The following BICC1 variants were observed in gnomAD, a reference collection of about 807,000 sequenced individuals.
BICC1 encodes protein bicaudal C homolog 1.
In BICC1, 43 loss-of-function variants were observed where a neutral mutation model predicts 111.0. The observed-to-expected ratio is 0.39, with a 90% CI of 0.30 to 0.50. The LOEUF (loss-of-function observed/expected upper bound fraction) is 0.50. Among genes scored for constraint, BICC1 ranks in the 20% least tolerant of loss-of-function variants. The probability of loss-of-function intolerance (pLI) is 0.88; values close to 1 mark genes in which losing one functional copy is unlikely to be tolerated. For synonymous variants in BICC1, 467 were observed against 434.4 expected (o/e 1.07, Z -0.93); for missense variants, 1,091 against 1,203.2 (o/e 0.91, Z 1.38).
At chr10:58,522,530 A>C (rs1842419359) in intron 1 of BICC1, among the ~76,000 whole-genome samples, 1 of 152,208 alleles carries the variant, frequency 6.6e-6, no homozygotes, top group Non-Finnish European at 1.5e-5. Flanking sequence ...ACAACATACC[A>C]GAATCTCTGG....
In BICC1 at chr10:58,702,147, A is replaced by G; in HGVS notation, c.307+4A>G. ...ATCGGAGCCAAATCCAAGAAAGGTA[A>G]ATTGTGAGAGGGCAAGAAATAGGTG... is the stretch of plus-strand genomic sequence containing the variant. On this transcript the variant is annotated splice_donor_region_variant and intron_variant, in intron 3 of 20. Coordinates refer to ENST00000373886, the MANE Select transcript of BICC1 (RefSeq NM_001080512.3). 6.2e-7 allele frequency: 1 copy of G among 1,610,248 alleles called. No homozygotes were observed.
intron 1 of BICC1, among the ~76,000 whole-genome samples, chr10:58,596,897 TAGG>T (rs1347087707): frequency 6.6e-6 from 1 of 151,990 alleles, no homozygotes; most frequent in Non-Finnish European, 1.5e-5. Flanking sequence ...CTCAAGGAAA[TAGG>T]AGAGGACACA....
At chr10:58,633,488 A>G (rs577830439) in intron 2 of BICC1, among the ~76,000 whole-genome samples, 1 of 152,362 alleles carries the variant, frequency 6.6e-6, no homozygotes, top group East Asian at 1.9e-4. Flanking sequence ...TGATAAATGC[A>G]TTCCTAGCAA....
intron 1 of BICC1, among the ~76,000 whole-genome samples, chr10:58,571,321 T>C (rs1359887561): frequency 2.0e-5 from 3 of 152,180 alleles, no homozygotes; most frequent in African/African-American, 7.2e-5. Context: ...TTTATTTATA[T>C]AATTTTTATT....
chr10:58,513,078 CGAGCGGAGGCGGCAGCGCAGGCA>C lies in BICC1; in HGVS notation c.-59_-37del, dbSNP rs1305173488. 1.4e-4 allele frequency: 170 copies of C among 1,234,276 alleles called. No homozygotes were observed. The highest frequency in any genetic ancestry group is 1.5e-4 in the Non-Finnish European group (151 of 975,100). 76.5% of individuals were successfully genotyped at this position (1,234,276 alleles called of 1,614,324 possible). On this transcript the variant is annotated 5_prime_UTR_variant, in exon 1 of 21. Coordinates refer to ENST00000373886, the MANE Select transcript of BICC1 (RefSeq NM_001080512.3). ...CTGGGAGCCAGTTGAGCCCGGCCGGCGAGCGGAGGCGGCAGCGCAGGCAGAGCGGCGGCGGCAGCGGGAGCCCG... is the reference window on the plus strand; with the variant it reads ...CTGGGAGCCAGTTGAGCCCGGCCGGCGAGCGGCGGCGGCAGCGGGAGCCCG...
chr10:58,658,130 A>G (rs1379744140), intron 2 of BICC1, among the ~76,000 whole-genome samples: 1 of 152,158 alleles, frequency 6.6e-6, no homozygotes, highest in Non-Finnish European at 1.5e-5. Context: ...AGATGTTCTC[A>G]TATTATGCCA....
At chr10:58,817,488 G>T (rs879127101) in intron 18 of BICC1, 74 bp from the exon 19 acceptor site, 1 of 1,515,394 alleles carries the variant, frequency 6.6e-7, no homozygotes, top group South Asian at 1.1e-5. Flanking sequence ...ATATTTAGGT[G>T]ATTAAAACTT....
At chr10:58,512,829 C>G (rs1221032673), upstream of BICC1, among the ~76,000 whole-genome samples, 3 of 149,584 alleles carry the variant, frequency 2.0e-5, no homozygotes, top group African/African-American at 7.3e-5. Context: ...GGGGAGGGGG[C>G]GCCGAGCCCT....
At chr10:58,739,687 G>A (rs1002331935) in intron 3 of BICC1, among the ~76,000 whole-genome samples, 16 of 151,950 alleles carry the variant, frequency 1.1e-4, no homozygotes, top group African/African-American at 3.9e-4. Flanking sequence ...TCTAACTTGG[G>A]TTTACTGTTT....
chr10:58,648,877 T>A (rs1838354245), intron 2 of BICC1, among the ~76,000 whole-genome samples: 1 of 152,246 alleles, frequency 6.6e-6, no homozygotes, highest in East Asian at 1.9e-4. Context: ...ATCCCATAAT[T>A]GGCAACTAAG....
At chr10:58,675,935 C>T (rs891917130) in intron 2 of BICC1, among the ~76,000 whole-genome samples, 4 of 152,158 alleles carry the variant, frequency 2.6e-5, no homozygotes, top group African/African-American at 4.8e-5. Context: ...CTGAGGTACC[C>T]GGTTCATCTC....
chr10:58,741,184 G>T (rs543086837), intron 3 of BICC1, among the ~76,000 whole-genome samples: 2 of 152,324 alleles, frequency 1.3e-5, no homozygotes, highest in East Asian at 3.9e-4. Flanking sequence ...GGAAGGTGTT[G>T]ACCGTAATAC....
At chr10:58,753,666 C>T (rs1342057576) in intron 3 of BICC1, among the ~76,000 whole-genome samples, 2 of 151,706 alleles carry the variant, frequency 1.3e-5, no homozygotes, top group Non-Finnish European at 1.5e-5. Flanking sequence ...CACTTGTTAG[C>T]TAAGTTGGAA....
At chr10:58,736,895 T>A (rs1418173266) in intron 3 of BICC1, among the ~76,000 whole-genome samples, 1 of 152,146 alleles carries the variant, frequency 6.6e-6, no homozygotes, top group Admixed American at 6.6e-5. Flanking sequence ...AACGTTGATT[T>A]GATTGAACAA....
chr10:58,549,311 C>G (rs939675821), intron 1 of BICC1, among the ~76,000 whole-genome samples: 1 of 152,124 alleles, frequency 6.6e-6, no homozygotes. Context: ...CAAAGGAGCA[C>G]AATTGCTATA....
chr10:58,656,773 A>G (rs1588980912), intron 2 of BICC1, among the ~76,000 whole-genome samples: 1 of 152,188 alleles, frequency 6.6e-6, no homozygotes, highest in East Asian at 1.9e-4. Context: ...TGATCTGAGA[A>G]TACAACTCAA....
At chr10:58,645,065 C>T (rs1474433673) in intron 2 of BICC1, among the ~76,000 whole-genome samples, 2 of 152,102 alleles carry the variant, frequency 1.3e-5, no homozygotes, top group Admixed American at 6.5e-5. Flanking sequence ...CTCTTTCTTA[C>T]ACTTTGTAGT....
chr10:58,551,717 A>G (rs2131916518), intron 1 of BICC1, among the ~76,000 whole-genome samples: 1 of 152,224 alleles, frequency 6.6e-6, no homozygotes, highest in African/African-American at 2.4e-5. Context: ...TGACTTTTTT[A>G]GATTTCGCAT....
intron 18 of BICC1, among the ~76,000 whole-genome samples, chr10:58,816,745 CTGTGTGTGTGTGTGTGTGTGTGTG>C (rs56310772): frequency 5.7e-5 from 7 of 122,162 alleles, no homozygotes; most frequent in Admixed American, 1.6e-4. Flanking sequence ...ATCTCCAAGG[CTGTGTGTGTGTGTGTGTGTGTGTG>C]TGTGTGTGTG....
Sources: allele counts gnomAD v4.1 joint callset (sites outside exome capture counted in the v4.1 genomes callset), GRCh38; gene constraint gnomAD v4.1.1; transcripts MANE v1.5; gene names NCBI Gene and HGNC (gene_info 2026-07-23, HGNC 2026-07-21).